ST6GALNAC3: variants seen among roughly 807,000 people sequenced by gnomAD.
The protein encoded by ST6GALNAC3 is alpha-N-acetylgalactosaminide alpha-2,6-sialyltransferase 3.
Under a neutral mutation model 32.7 loss-of-function variants are expected in ST6GALNAC3, and 25 were observed. The ratio of observed to expected loss-of-function variants is 0.76; its 90% CI spans 0.56 to 1.07. The LOEUF (loss-of-function observed/expected upper bound fraction) is 1.07. ST6GALNAC3 is among the 50% of genes least tolerant of loss of function. The pLI is 0.00. For missense variants in ST6GALNAC3, 355 were observed against 382.4 expected, an observed-to-expected ratio of 0.93 and a Z score of 0.60; for synonymous variants, 129 against 133.1, an observed-to-expected ratio of 0.97 and a Z score of 0.21.
intron 1 of ST6GALNAC3, among the ~76,000 whole-genome samples, chr1:76,142,271 A>G (rs1370416481): frequency 6.6e-6 from 1 of 152,232 alleles, no homozygotes; most frequent in Non-Finnish European, 1.5e-5. Context: ...TTACAACATC[A>G]GCGGCTTAAA....
At chr1:76,420,790 C>T (rs1654978596) in intron 3 of ST6GALNAC3, among the ~76,000 whole-genome samples, 1 of 151,980 alleles carries the variant, frequency 6.6e-6, no homozygotes, top group Admixed American at 6.6e-5. Context: ...ATTGCACTTC[C>T]CCCTGTCACC....
At chr1:76,255,334 A>G (rs1267500810) in intron 1 of ST6GALNAC3, among the ~76,000 whole-genome samples, 1 of 152,060 alleles carries the variant, frequency 6.6e-6, no homozygotes, top group Non-Finnish European at 1.5e-5. Flanking sequence ...TAAATGATAC[A>G]TTTTGTAGAA....
chr1:76,526,793 C>T (rs1280424008), intron 3 of ST6GALNAC3, among the ~76,000 whole-genome samples: 1 of 151,784 alleles, frequency 6.6e-6, no homozygotes, highest in Non-Finnish European at 1.5e-5. Flanking sequence ...TTTTTGAATA[C>T]TTCCTTCATA....
chr1:76,154,328 AG>A (rs1014154779), intron 1 of ST6GALNAC3, among the ~76,000 whole-genome samples: 5 of 152,106 alleles, frequency 3.3e-5, no homozygotes, highest in Non-Finnish European at 7.4e-5. Context: ...TCACTCTTAA[AG>A]CAATCGTACT....
At chr1:76,116,663 G>A (rs1238223818) in intron 1 of ST6GALNAC3, among the ~76,000 whole-genome samples, 1 of 152,116 alleles carries the variant, frequency 6.6e-6, no homozygotes, top group Non-Finnish European at 1.5e-5. Flanking sequence ...GGGTGCGGTG[G>A]CTCACACCTG....
At chr1:76,122,912 G>A (rs1458612769) in intron 1 of ST6GALNAC3, among the ~76,000 whole-genome samples, 1 of 152,186 alleles carries the variant, frequency 6.6e-6, no homozygotes, top group African/African-American at 2.4e-5. Flanking sequence ...GGAGGAGCTT[G>A]TAGTCTGCGT....
At chr1:76,383,730 A>T (rs1337425121) in intron 2 of ST6GALNAC3, among the ~76,000 whole-genome samples, 3 of 152,208 alleles carry the variant, frequency 2.0e-5, no homozygotes, top group Admixed American at 2.0e-4. Flanking sequence ...GTCTAGTAAG[A>T]TTAAAATACT....
At chr1:76,324,234 A>T (rs1363987496) in intron 2 of ST6GALNAC3, among the ~76,000 whole-genome samples, 1 of 152,184 alleles carries the variant, frequency 6.6e-6, no homozygotes, top group Non-Finnish European at 1.5e-5. Flanking sequence ...AGGATTTAAA[A>T]TGTCTAGATA....
intron 3 of ST6GALNAC3, among the ~76,000 whole-genome samples, chr1:76,504,355 A>G (rs1342766338): frequency 2.6e-5 from 4 of 152,102 alleles, no homozygotes; most frequent in African/African-American, 9.7e-5. Flanking sequence ...CCAGGGTTAT[A>G]TCATCTAATA....
chr1:76,402,332 C>A (rs1270416107), intron 2 of ST6GALNAC3, among the ~76,000 whole-genome samples: 2 of 152,118 alleles, frequency 1.3e-5, no homozygotes, highest in African/African-American at 4.8e-5. Context: ...TATATCTCTC[C>A]TTGCCTCCAA....
chr1:76,361,978 A>AG (rs1649983297), intron 2 of ST6GALNAC3, among the ~76,000 whole-genome samples: 1 of 7,418 alleles, frequency 1.3e-4, no homozygotes. Context: ...ACTCTGTATC[A>AG]AAAAAAAAAA....
chr1:76,228,868 G>T (rs575462143), intron 1 of ST6GALNAC3, among the ~76,000 whole-genome samples: 1 of 152,290 alleles, frequency 6.6e-6, no homozygotes, highest in East Asian at 1.9e-4. Flanking sequence ...GCCCGGAGAA[G>T]GTCATGCCAG....
At chr1:76,265,666 G>T (rs1045707435) in intron 1 of ST6GALNAC3, among the ~76,000 whole-genome samples, 2 of 152,090 alleles carry the variant, frequency 1.3e-5, no homozygotes, top group East Asian at 3.8e-4. Flanking sequence ...TATTGACTGC[G>T]TAACCTTGTT....
chr1:76,636,330 C>T (rs1254715705), downstream of ST6GALNAC3, among the ~76,000 whole-genome samples: 1 of 152,150 alleles, frequency 6.6e-6, no homozygotes, highest in Non-Finnish European at 1.5e-5. Flanking sequence ...CACCTCTGAT[C>T]AACCGCTTGT....
downstream of ST6GALNAC3, among the ~76,000 whole-genome samples, chr1:76,636,245 A>G (rs1649502827): frequency 6.6e-6 from 1 of 152,128 alleles, no homozygotes; most frequent in Non-Finnish European, 1.5e-5. Context: ...AAGTGACTGA[A>G]CTCTACCCAC....
intron 3 of ST6GALNAC3, among the ~76,000 whole-genome samples, chr1:76,583,759 T>A (rs1646923909): frequency 6.6e-6 from 1 of 152,174 alleles, no homozygotes; most frequent in Non-Finnish European, 1.5e-5. Flanking sequence ...CACACCACAA[T>A]CATATTTCCA....
intron 3 of ST6GALNAC3, among the ~76,000 whole-genome samples, chr1:76,434,633 A>G (rs1292100341): frequency 2.0e-5 from 3 of 152,274 alleles, no homozygotes; most frequent in Middle Eastern, 3.4e-3. Flanking sequence ...GGAGAGGTTA[A>G]AGTTAAAAAG....
chr1:76,585,321 G>T (rs1646945966), intron 3 of ST6GALNAC3, among the ~76,000 whole-genome samples: 1 of 151,762 alleles, frequency 6.6e-6, no homozygotes, highest in African/African-American at 2.4e-5. Context: ...GGGCAGTGGA[G>T]GTTGCAGTGA....
chr1:76,308,817 C>T (rs951439287), intron 1 of ST6GALNAC3, among the ~76,000 whole-genome samples: 10 of 152,224 alleles, frequency 6.6e-5, no homozygotes, highest in African/African-American at 2.4e-4. Context: ...TACATTTATC[C>T]TTTCATTATC....
Sources: gnomAD v4.1 joint callset for allele counts (sites outside exome capture counted in the v4.1 genomes callset) on GRCh38, gnomAD v4.1.1 for gene constraint, MANE v1.5 for transcripts, NCBI Gene and HGNC (gene_info 2026-07-23, HGNC 2026-07-21) for gene names.